The following PTPN7 variants were observed in gnomAD, a reference collection of about 807,000 sequenced individuals.
The protein encoded by PTPN7 is protein tyrosine phosphatase non-receptor type 7.
In PTPN7, 33 loss-of-function variants were observed where a neutral mutation model predicts 50.3. The ratio of observed to expected loss-of-function variants is 0.66; its 90% CI spans 0.50 to 0.88. The LOEUF is 0.88. Among genes scored for constraint, PTPN7 ranks in the 40% least tolerant of loss-of-function variants. The pLI is 0.00. For missense variants in PTPN7, 412 were observed against 475.4 expected (o/e 0.87, Z 1.24); for synonymous variants, 185 against 186.6 (o/e 0.99, Z 0.07).
intron 4 of PTPN7, among the ~76,000 whole-genome samples, chr1:202,156,769 C>T (rs968035748): frequency 5.3e-5 from 8 of 152,268 alleles, no homozygotes; most frequent in South Asian, 2.1e-4. Flanking sequence ...AGACAGGGCC[C>T]GAGTGCTCAC....
intron 4 of PTPN7, 46 bp from the exon 5 acceptor site, chr1:202,155,655 AC>A: frequency 6.9e-7 from 1 of 1,455,736 alleles, no homozygotes; most frequent in Non-Finnish European, 9.6e-7. Context: ...AAGGTGACCA[AC>A]TAACACAGAC....
intron 8 of PTPN7, among the ~76,000 whole-genome samples, chr1:202,151,497 C>T (rs1253163704): frequency 2.6e-5 from 4 of 152,048 alleles, no homozygotes; most frequent in African/African-American, 9.7e-5. Context: ...ATCCCCATCA[C>T]AGCTCTCATC....
At chr1:202,153,006 GATATCTT>G (rs1656217308) in intron 7 of PTPN7, among the ~76,000 whole-genome samples, 1 of 152,178 alleles carries the variant, frequency 6.6e-6, no homozygotes, top group Non-Finnish European at 1.5e-5. Flanking sequence ...TGGGAACAGT[GATATCTT>G]ACTGGTTTAC....
At chr1:202,155,474 T>C (rs1343933526) in intron 5 of PTPN7, 59 bp downstream of exon 5, 2 of 1,475,492 alleles carry the variant, frequency 1.4e-6, no homozygotes, top group Non-Finnish European at 1.9e-6. Flanking sequence ...CTGGAAGATA[T>C]TCTCAGACGT....
intron 5 of PTPN7, 108 bp downstream of exon 5, chr1:202,155,425 G>A (rs1656546858): frequency 1.8e-6 from 2 of 1,082,162 alleles, no homozygotes; most frequent in South Asian, 2.8e-5. Flanking sequence ...CTGGAGCAGG[G>A]AGGGTAGGAA....
intron 9 of PTPN7, 72 bp from the exon 10 acceptor site, chr1:202,148,771 T>G (rs1197764649): frequency 7.8e-7 from 1 of 1,274,404 alleles, no homozygotes; most frequent in East Asian, 2.5e-5. Flanking sequence ...CAGTCAAACA[T>G]CCCTGTGGTC....
chr1:202,159,687 T>C lies in PTPN7; in HGVS notation c.-52-233A>G. On this transcript the variant is annotated intron_variant, in intron 1 of 9. Transcript: ENST00000691036. This position sits in a 1 kb window ranked among gnomAD's most constrained non-coding sequence, Gnocchi z 4.6. ...AAAGGGTAGAGATTGTGGATGAAGA[T>C]AGGAAAGAATCCAGAAGGAGGAAAA... 1 of 1,363,526 alleles carries C rather than the reference T, an allele frequency of 7.3e-7. No homozygotes were observed. The highest frequency in any genetic ancestry group is 2.6e-5 in the East Asian group (1 of 38,514). 84.5% of individuals were successfully genotyped at this position (1,363,526 alleles called of 1,614,324 possible).
intron 6 of PTPN7, 38 bp from the exon 7 acceptor site, chr1:202,153,873 C>T: frequency 6.5e-7 from 1 of 1,534,796 alleles, no homozygotes; most frequent in East Asian, 2.3e-5. Context: ...AGAGGGTCAG[C>T]TGGAGCAGGT....
In PTPN7 at chr1:202,159,269, G is replaced by A; in HGVS notation, c.122+12C>T. ...AGGGCTCGGAAGACCCCTCCCCCAG[G>A]GAAGATCTCACCTCTCCTGCAGTCG... On this transcript the variant is annotated intron_variant, in intron 2 of 9. Transcript: ENST00000691036. The surrounding 1 kb of genome is among the most constrained non-coding windows in gnomAD (Gnocchi z 4.6). 1 of 1,613,356 alleles carries A rather than the reference G, an allele frequency of 6.2e-7. No homozygotes were observed.
chr1:202,160,781 G>C (rs1274648720), upstream of PTPN7: 9 of 1,550,306 alleles, frequency 5.8e-6, no homozygotes, highest in East Asian at 2.4e-5. The surrounding 1 kb of genome is among the most constrained non-coding windows in gnomAD (Gnocchi z 4.8). Flanking sequence ...CCTGGGAATG[G>C]GTGAGGGGCC....
chr1:202,154,080 G>A (rs1656361961), intron 6 of PTPN7, 106 bp downstream of exon 6: 3 of 1,514,588 alleles, frequency 2.0e-6, no homozygotes, highest in East Asian at 4.5e-5. Flanking sequence ...AGCTGGGGCT[G>A]GCTCCCAGGG....
rs1385326065 is a variant in PTPN7, at chr1:202,150,424, A to G, written c.876T>C (p.Ser292=). Residue 292 remains serine (S), a splice_region_variant and synonymous_variant, in exon 9 of 10, where the codon AGT becomes AGC. Coordinates refer to ENST00000691036, the MANE Select transcript of PTPN7 (RefSeq NM_002832.4). The part of the protein sequence containing the change: ...AHPGPIVVHC[S]AGIGRTGCFI... ...AGCAGCCCGTCCGGCCAATCCCTGC[A>G]CTGGAGATAGCCAGGGAGGGGACAG... is the stretch of plus-strand genomic sequence containing the variant. 1 of 1,605,210 alleles carries G rather than the reference A, an allele frequency of 6.2e-7. No individual in the cohort carries two copies. Among genetic ancestry groups the G allele is most frequent in the East Asian group, 2.2e-5 (1 of 44,564 alleles).
At position 202,148,830 on chromosome 1, in the gene PTPN7, C is replaced by T; in HGVS notation, c.990-131G>A. The T allele has an allele frequency of 6.9e-6, 3 of 435,102 alleles. No homozygotes were observed. In the South Asian group the frequency reaches 1.4e-4, roughly 20 times the overall value. 27.0% of individuals were successfully genotyped at this position (435,102 alleles called of 1,614,324 possible). A position where few individuals can be genotyped will look rare whatever the true frequency, so the allele number is the denominator to read the frequency against. On this transcript the variant is annotated intron_variant, in intron 9 of 9. Coordinates refer to ENST00000691036, the MANE Select transcript of PTPN7 (RefSeq NM_002832.4). ...TCAAAGAACATGCCAACTCCTTTGC[C>T]TATATTCATCTTTTCACTTTTTTTT...
Position 202,160,413 on chromosome 1 carries a change from C to G in PTPN7, c.-53+132G>C. 1.1e-6 allele frequency: 1 copy of G among 947,422 alleles called. No homozygotes were observed. Among genetic ancestry groups the G allele is most frequent in the South Asian group, 1.6e-5 (1 of 61,616 alleles). 58.7% of individuals were successfully genotyped at this position (947,422 alleles called of 1,614,324 possible). On this transcript the variant is annotated intron_variant, in intron 1 of 9. Coordinates refer to ENST00000691036, the MANE Select transcript of PTPN7 (RefSeq NM_002832.4). The surrounding 1 kb of genome is among the most constrained non-coding windows in gnomAD (Gnocchi z 4.8). ...CTTGGGGACATCAGGTCTGTGAGCA[C>G]CCATACCCCAGCCAGGCACTGTGGC...
intron 7 of PTPN7, 33 bp from the exon 8 acceptor site, chr1:202,152,732 C>T (rs1329168420): frequency 3.1e-6 from 5 of 1,609,274 alleles, no homozygotes; most frequent in Non-Finnish European, 3.4e-6. Flanking sequence ...GAACCAAGGT[C>T]AGGGTGGAGG....
chr1:202,160,671 G>A (rs577554646), upstream of PTPN7: 92 of 1,550,294 alleles, frequency 5.9e-5, no homozygotes, highest in East Asian at 3.2e-4. The surrounding 1 kb of genome is among the most constrained non-coding windows in gnomAD (Gnocchi z 4.8). Flanking sequence ...TGCCACCCAC[G>A]CACACCCCAG....
At chr1:202,158,815 G>A (rs1656991751) in intron 2 of PTPN7, 2 of 155,712 alleles carry the variant, frequency 1.3e-5, no homozygotes, top group South Asian at 3.9e-4. Flanking sequence ...AGAGAGAGGA[G>A]GTCTCACTAT....
rs754940558 is a variant in PTPN7 at position 202,152,710 on chromosome 1, G to A, written c.718-11C>T. ...GCGCTCTTCCTGGTACTGGATTGGA[G>A]ACAAGGCATGAGAACCAAGGTCAGG... On this transcript the variant is annotated splice_polypyrimidine_tract_variant and intron_variant, in intron 7 of 9. Transcript: ENST00000691036. 3 of 1,613,666 alleles carry A rather than the reference G, an allele frequency of 1.9e-6. No individual in the cohort carries two copies. The highest frequency in any genetic ancestry group is 2.5e-6 in the Non-Finnish European group (3 of 1,179,746).
chr1:202,149,339 C>A (rs1055518652), intron 9 of PTPN7, among the ~76,000 whole-genome samples: 6 of 152,212 alleles, frequency 3.9e-5, no homozygotes, highest in African/African-American at 1.4e-4. Context: ...GCCAGGAATA[C>A]TCCTGAGCCT....
Sources: allele counts gnomAD v4.1 joint callset (sites outside exome capture counted in the v4.1 genomes callset), GRCh38; gene constraint gnomAD v4.1.1; non-coding constraint Gnocchi (gnomAD v3.1); transcripts MANE v1.5; gene names NCBI Gene and HGNC (gene_info 2026-07-23, HGNC 2026-07-21).